The following WDR59 variants were observed in gnomAD, a reference collection of about 807,000 sequenced individuals.
WDR59 encodes the protein GATOR2 complex protein WDR59.
Under a neutral mutation model 131.2 loss-of-function variants are expected in WDR59, and 100 were observed. The ratio of observed to expected loss-of-function variants is 0.76; its 90% CI spans 0.65 to 0.90. The LOEUF (loss-of-function observed/expected upper bound fraction) is 0.90, where lower values mean the gene tolerates loss of function less well. Among genes scored for constraint, WDR59 ranks in the 40% least tolerant of loss-of-function variants. The probability of loss-of-function intolerance (pLI) is 0.00; values close to 1 mark genes in which losing one functional copy is unlikely to be tolerated. For missense variants in WDR59, 1,203 were observed against 1,262.2 expected (o/e 0.95, Z 0.71); for synonymous variants, 601 against 466.2 (o/e 1.29, Z -3.72).
chr16:74,934,420 T>C (rs2031638472), intron 8 of WDR59, among the ~76,000 whole-genome samples: 1 of 152,180 alleles, frequency 6.6e-6, no homozygotes, highest in South Asian at 2.1e-4. Flanking sequence ...GATTTGATAA[T>C]ATCCTCACTG....
chr16:74,957,419 A>G (rs1042192574), intron 2 of WDR59, among the ~76,000 whole-genome samples: 1 of 152,152 alleles, frequency 6.6e-6, no homozygotes, highest in African/African-American at 2.4e-5. Context: ...CGCCAGGCTC[A>G]GTGCTCTGCA....
At chr16:74,960,004 A>T (rs888666018) in intron 2 of WDR59, among the ~76,000 whole-genome samples, 5 of 151,074 alleles carry the variant, frequency 3.3e-5, no homozygotes, top group South Asian at 2.1e-4. Flanking sequence ...AATAGTTGAA[A>T]TTTTTTTTTT....
intron 8 of WDR59, among the ~76,000 whole-genome samples, chr16:74,925,849 C>T (rs557824661): frequency 6.6e-6 from 1 of 152,034 alleles, no homozygotes; most frequent in African/African-American, 2.4e-5. Flanking sequence ...GGCAACAAAG[C>T]AAGACCCTGT....
rs143789413 is a variant in WDR59, at chr16:74,885,706, C to T, written c.2636G>A (p.Arg879Gln). ...GGAGACAAACTTCAACACTTCAGCT[C>T]GCTTCTCTCTCAGACCCCAACGGTA... ...ILYRWGLREK[R>Q]AEVLKFVSCP... Residue 879 changes from arginine (R) to glutamine (Q), a missense_variant, in exon 25 of 26, where the codon CGA becomes CAA. Physicochemically the swap from Arg to Gln is conservative, Grantham distance 43. Transcript: ENST00000262144. 4.3e-6 allele frequency: 7 copies of T among 1,614,112 alleles called. No individual in the cohort carries two copies. In the Admixed American group the frequency reaches 5.0e-5, roughly 12 times the overall value.
intron 6 of WDR59, among the ~76,000 whole-genome samples, chr16:74,944,498 G>A (rs949931718): frequency 1.4e-4 from 21 of 150,784 alleles, no homozygotes; most frequent in East Asian, 9.8e-4. Flanking sequence ...CACCAGGGTC[G>A]AATGGAGGTC....
chr16:74,880,453 T>G (rs931702654), intron 25 of WDR59, among the ~76,000 whole-genome samples: 2 of 151,834 alleles, frequency 1.3e-5, no homozygotes, highest in African/African-American at 4.8e-5. Context: ...TCTCCAAAAA[T>G]AAATAAATTA....
At chr16:74,876,320 A>G (rs1470729970) in intron 25 of WDR59, among the ~76,000 whole-genome samples, 7 of 152,092 alleles carry the variant, frequency 4.6e-5, no homozygotes. Context: ...TTATGTACAA[A>G]CTTTGGTTAT....
At chr16:74,981,305 G>C (rs2034394576) in intron 1 of WDR59, among the ~76,000 whole-genome samples, 1 of 151,234 alleles carries the variant, frequency 6.6e-6, no homozygotes, top group South Asian at 2.1e-4. Flanking sequence ...GAACCTGGGA[G>C]GCAGAGTTTG....
intron 7 of WDR59, among the ~76,000 whole-genome samples, chr16:74,940,287 G>A (rs1270263462): frequency 6.6e-6 from 1 of 151,506 alleles, no homozygotes; most frequent in Non-Finnish European, 1.5e-5. Context: ...GCTGAGGCAG[G>A]AGAATCGCTT....
chr16:74,910,233 G>T (rs1304893408), intron 14 of WDR59, among the ~76,000 whole-genome samples: 2 of 152,166 alleles, frequency 1.3e-5, no homozygotes, highest in Admixed American at 6.5e-5. Context: ...CTCCCAAAGT[G>T]CTGGGATTAC....
At chr16:74,958,874 C>A (rs1291239512) in intron 2 of WDR59, among the ~76,000 whole-genome samples, 1 of 151,664 alleles carries the variant, frequency 6.6e-6, no homozygotes, top group Admixed American at 6.6e-5. Context: ...ACTAGCCCGA[C>A]CAACATGGAG....
intron 6 of WDR59, 147 bp downstream of exon 6, chr16:74,948,372 A>G: frequency 1.3e-6 from 1 of 770,262 alleles, no homozygotes; most frequent in Non-Finnish European, 2.2e-6. Flanking sequence ...CATGAGACTT[A>G]CAATTCCACT....
intron 2 of WDR59, among the ~76,000 whole-genome samples, chr16:74,958,722 G>C (rs1374821541): frequency 6.6e-6 from 1 of 151,744 alleles, no homozygotes; most frequent in African/African-American, 2.4e-5. Flanking sequence ...GCAAGGGGTA[G>C]GGCTAGAAGA....
intron 11 of WDR59, 142 bp downstream of exon 11, chr16:74,917,787 C>A: frequency 3.1e-6 from 2 of 648,034 alleles, no homozygotes; most frequent in Non-Finnish European, 4.8e-6. Context: ...CCAGCCTGGG[C>A]GATTCAGTGA....
Position 74,888,248 on chromosome 16 carries a change from G to A in WDR59, c.2267C>T (p.Ser756Phe). ...AMLCSVFEAQSRPQGLPNPFG... is the reference protein window; with the variant it reads ...AMLCSVFEAQFRPQGLPNPFG... ...GGGGTTTGGTAGCCCCTGAGGCCGA[G>A]ACTGGGCTTCAAACACGCTACAGAG... The change falls in exon 22 of 26, where the codon TCT (serine) becomes TTT (phenylalanine). Residue 756 changes from serine (S) to phenylalanine (F), a missense_variant. Coordinates refer to ENST00000262144, the MANE Select transcript of WDR59 (RefSeq NM_030581.4). 1.1e-5 allele frequency: 17 copies of A among 1,614,124 alleles called. No homozygotes were observed. Among genetic ancestry groups the A allele is most frequent in the Non-Finnish European group, 1.4e-5 (17 of 1,180,018 alleles).
chr16:74,915,142 C>CCAGCA lies in WDR59; in HGVS notation c.1224+723_1224+727dup, dbSNP rs997206973. Among the ~76,000 whole-genome samples the CCAGCA allele has an allele frequency of 6.2e-3, 937 of 152,236 alleles. 6 individuals are homozygous for CCAGCA. Among genetic ancestry groups the CCAGCA allele is most frequent in the African/African-American group, 0.021 (877 of 41,524 alleles). ...AGCCTGTGAGAGAAGATGGCACAGC[C>CCAGCA]CAGCACAGCACAGCACAGCACAGCA... On this transcript the variant is annotated intron_variant, in intron 13 of 25. Coordinates refer to ENST00000262144, the MANE Select transcript of WDR59 (RefSeq NM_030581.4).
intron 1 of WDR59, among the ~76,000 whole-genome samples, chr16:74,978,232 G>A (rs569232608): frequency 1.2e-3 from 183 of 147,564 alleles, no homozygotes; most frequent in African/African-American, 4.4e-3. Flanking sequence ...CTGAGGCAGA[G>A]AATCGCTTGA....
At chr16:74,909,475 A>G in intron 16 of WDR59, 26 bp downstream of exon 16, 1 of 1,517,680 alleles carries the variant, frequency 6.6e-7, no homozygotes, top group Non-Finnish European at 8.8e-7. Flanking sequence ...CTCGAAATCT[A>G]GAATCAAAGA....
intron 1 of WDR59, among the ~76,000 whole-genome samples, chr16:74,983,293 CG>C: frequency 1.3e-5 from 2 of 151,640 alleles, no homozygotes; most frequent in South Asian, 4.2e-4. Context: ...GCCAACAGAG[CG>C]AAACCCCGTC....
Sources: gnomAD v4.1 joint callset for allele counts (sites outside exome capture counted in the v4.1 genomes callset) on GRCh38, gnomAD v4.1.1 for gene constraint, MANE v1.5 for transcripts, NCBI Gene and HGNC (gene_info 2026-07-23, HGNC 2026-07-21) for gene names.